The following ARHGEF10L variants were observed in gnomAD, a reference collection of about 807,000 sequenced individuals.
ARHGEF10L encodes rho guanine nucleotide exchange factor 10-like protein.
In ARHGEF10L, 69 loss-of-function variants were observed where a neutral mutation model predicts 141.2. The ratio of observed to expected loss-of-function variants is 0.49; its 90% CI spans 0.40 to 0.60. The LOEUF (loss-of-function observed/expected upper bound fraction) is 0.60, where lower values mean the gene tolerates loss of function less well. Among genes scored for constraint, ARHGEF10L ranks in the 20% least tolerant of loss-of-function variants. The pLI is 0.00. For synonymous variants in ARHGEF10L, 711 were observed against 718.5 expected, an observed-to-expected ratio of 0.99 and a Z score of 0.17; for missense variants, 1,482 against 1,734.3, an observed-to-expected ratio of 0.85 and a Z score of 2.58.
At chr1:17,572,369 C>T (rs1453884308) in intron 1 of ARHGEF10L, among the ~76,000 whole-genome samples, 1 of 152,168 alleles carries the variant, frequency 6.6e-6, no homozygotes, top group Non-Finnish European at 1.5e-5. Flanking sequence ...CACCTGTGAC[C>T]GATGGAGAGC....
chr1:17,597,157 A>G (rs899785022), intron 4 of ARHGEF10L, among the ~76,000 whole-genome samples: 5 of 152,138 alleles, frequency 3.3e-5, no homozygotes, highest in African/African-American at 9.6e-5. Context: ...GCCCCTCACC[A>G]TGGATTCAGC....
chr1:17,568,351 A>G (rs1429844296), intron 1 of ARHGEF10L, among the ~76,000 whole-genome samples: 1 of 152,184 alleles, frequency 6.6e-6, no homozygotes, highest in African/African-American at 2.4e-5. Flanking sequence ...TTGTCATTGT[A>G]TGGAAGAGGA....
chr1:17,529,824 CTTTTTTT>C, the ARHGEF10L span, among the ~76,000 whole-genome samples: 2 of 67,158 alleles, frequency 3.0e-5, no homozygotes, highest in African/African-American at 5.8e-5. Context: ...ACACATCAGT[CTTTTTTT>C]TTTTTTTTTT....
intron 9 of ARHGEF10L, among the ~76,000 whole-genome samples, chr1:17,616,689 G>A (rs2059827262): frequency 6.6e-6 from 1 of 152,230 alleles, no homozygotes; most frequent in African/African-American, 2.4e-5. Flanking sequence ...ACAGGCACAG[G>A]CATGGGAAAT....
chr1:17,616,570 C>T (rs2059818498), intron 9 of ARHGEF10L, among the ~76,000 whole-genome samples: 2 of 152,238 alleles, frequency 1.3e-5, no homozygotes, highest in South Asian at 4.1e-4. Flanking sequence ...CTCCAACCAG[C>T]TGACATTTAC....
chr1:17,628,846 C>T (rs1447257268), intron 15 of ARHGEF10L, among the ~76,000 whole-genome samples: 1 of 152,154 alleles, frequency 6.6e-6, no homozygotes, highest in Non-Finnish European at 1.5e-5. Flanking sequence ...GCTGTCTAAC[C>T]TGCATCAGCA....
intron 16 of ARHGEF10L, 59 bp from the exon 17 acceptor site, chr1:17,634,489 C>T: frequency 6.2e-7 from 1 of 1,614,108 alleles, no homozygotes; most frequent in Non-Finnish European, 8.5e-7. Flanking sequence ...GTCACAGCCC[C>T]CAGATTAGCC....
chr1:17,602,367 C>A, intron 5 of ARHGEF10L, 149 bp downstream of exon 5: 1 of 844,798 alleles, frequency 1.2e-6, no homozygotes, highest in South Asian at 1.7e-5. Context: ...GACCAACCAC[C>A]GCCCCCAAGA....
At chr1:17,664,753 T>C (rs143318668) in intron 26 of ARHGEF10L, among the ~76,000 whole-genome samples, 158 bp downstream of exon 26, 4 of 152,318 alleles carry the variant, frequency 2.6e-5, no homozygotes, top group East Asian at 1.9e-4. Context: ...AAGGTCCCTA[T>C]TGGGCCTGAC....
In ARHGEF10L at chr1:17,654,543, A is replaced by G; in HGVS notation, c.2395-93A>G. ...CCCCCACCCACAGGGATTCTAATCCAGGGAGAGTTGGATGGGGCCCAGGAA... is the reference window on the plus strand; with the variant it reads ...CCCCCACCCACAGGGATTCTAATCCGGGGAGAGTTGGATGGGGCCCAGGAA... On this transcript the variant is annotated intron_variant, in intron 22 of 28. Transcript: ENST00000361221. The surrounding 1 kb of genome is among the most constrained non-coding windows in gnomAD (Gnocchi z 4.3). 2 of 1,105,310 alleles carry G rather than the reference A, an allele frequency of 1.8e-6. No individual in the cohort carries two copies. Among genetic ancestry groups the G allele is most frequent in the African/African-American group, 1.5e-5 (1 of 65,058 alleles). 68.5% of individuals were successfully genotyped at this position (1,105,310 alleles called of 1,614,324 possible). A position where few individuals can be genotyped will look rare whatever the true frequency, so the allele number is the denominator to read the frequency against.
intron 26 of ARHGEF10L, among the ~76,000 whole-genome samples, chr1:17,667,210 G>T (rs1446883586): frequency 1.3e-5 from 2 of 152,228 alleles, no homozygotes; most frequent in Non-Finnish European, 2.9e-5. Context: ...AGGAAAGGAG[G>T]CCCAGCCTGC....
the ARHGEF10L span, among the ~76,000 whole-genome samples, chr1:17,519,044 G>A: frequency 3.3e-5 from 5 of 151,212 alleles, no homozygotes; most frequent in East Asian, 3.9e-4. Context: ...GTCGGGTGGC[G>A]CATGCCTGTA....
chr1:17,529,016 T>A, the ARHGEF10L span, among the ~76,000 whole-genome samples: 1 of 152,112 alleles, frequency 6.6e-6, no homozygotes, highest in Admixed American at 6.6e-5. Flanking sequence ...TTTTGTTTTG[T>A]TTTTTGAGAT....
chr1:17,621,452 C>T lies in ARHGEF10L; in HGVS notation c.943-412C>T, dbSNP rs1215447765. Among the ~76,000 whole-genome samples, 2 of 152,150 alleles carry T rather than the reference C, an allele frequency of 1.3e-5. No individual in the cohort carries two copies. The highest frequency in any genetic ancestry group is 1.5e-5 in the Non-Finnish European group (1 of 68,024). On this transcript the variant is annotated intron_variant, in intron 10 of 28. Transcript: ENST00000361221. This position sits in a 1 kb window ranked among gnomAD's most constrained non-coding sequence, Gnocchi z 4.1. ...TTCACCATGTTGGCCAGGCTGGTTT[C>T]GAACTCCTGACTTCAGGTGATTTGC...
At chr1:17,694,781 G>A (rs1340767054) in intron 27 of ARHGEF10L, 10 of 382,402 alleles carry the variant, frequency 2.6e-5, no homozygotes, top group Admixed American at 1.7e-4. Flanking sequence ...GGTTTTGCTC[G>A]TAGCTGGCTG....
chr1:17,647,383 T>A (rs72923478), intron 21 of ARHGEF10L, among the ~76,000 whole-genome samples: 30 of 152,272 alleles, frequency 2.0e-4, no homozygotes, highest in Admixed American at 5.2e-4. Flanking sequence ...GTGTGGTGCC[T>A]GATGTGTGGG....
intron 20 of ARHGEF10L, 150 bp from the exon 21 acceptor site, chr1:17,640,052 C>T: frequency 2.0e-6 from 3 of 1,475,486 alleles, no homozygotes; most frequent in Non-Finnish European, 2.7e-6. Context: ...TGCCAAGCCA[C>T]TGACCTCTTT....
chr1:17,527,928 G>A, the ARHGEF10L span, among the ~76,000 whole-genome samples: 2 of 150,220 alleles, frequency 1.3e-5, no homozygotes, highest in Non-Finnish European at 3.0e-5. Flanking sequence ...GAATGCAGTG[G>A]CATGATCTTG....
At chr1:17,586,432 C>G (rs1373749757) in intron 2 of ARHGEF10L, among the ~76,000 whole-genome samples, 2 of 152,098 alleles carry the variant, frequency 1.3e-5, no homozygotes, top group Non-Finnish European at 2.9e-5. Flanking sequence ...ACCAAACTGC[C>G]CGTTGGTTTT....
Sources: allele counts gnomAD v4.1 joint callset (sites outside exome capture counted in the v4.1 genomes callset), GRCh38; gene constraint gnomAD v4.1.1; non-coding constraint Gnocchi (gnomAD v3.1); transcripts MANE v1.5; gene names NCBI Gene and HGNC (gene_info 2026-07-23, HGNC 2026-07-21).